ANGPTL5: variants seen among roughly 807,000 people sequenced by gnomAD.
ANGPTL5 encodes angiopoietin-related protein 5.
In ANGPTL5, 34 loss-of-function variants were observed where a neutral mutation model predicts 39.4. The observed-to-expected ratio is 0.86, with a 90% CI of 0.66 to 1.15. The LOEUF is 1.15. Among genes scored for constraint, ANGPTL5 ranks in the 50% most tolerant of loss-of-function variants. ANGPTL5 has a pLI of 0.00. For missense variants in ANGPTL5, 467 were observed against 457.5 expected, an observed-to-expected ratio of 1.02 and a Z score of -0.19; for synonymous variants, 146 against 152.1, an observed-to-expected ratio of 0.96 and a Z score of 0.29.
chr11:101,898,789 A>G (rs1165946904), intron 7 of ANGPTL5, among the ~76,000 whole-genome samples: 3 of 152,152 alleles, frequency 2.0e-5, no homozygotes, highest in Non-Finnish European at 2.9e-5. Context: ...GTTTGTCATA[A>G]ATAGCTCTTA....
chr11:101,891,118 A>G lies in ANGPTL5; in HGVS notation c.*161T>C. 1 of 595,504 alleles carries G rather than the reference A, an allele frequency of 1.7e-6. No homozygotes were observed. The highest frequency in any genetic ancestry group is 2.6e-5 in the South Asian group (1 of 38,954). 36.9% of individuals were successfully genotyped at this position (595,504 alleles called of 1,614,324 possible). A position where few individuals can be genotyped will look rare whatever the true frequency, so the allele number is the denominator to read the frequency against. On this transcript the variant is annotated 3_prime_UTR_variant, in exon 9 of 9. Coordinates refer to ENST00000334289, the MANE Select transcript of ANGPTL5 (RefSeq NM_178127.5). ...AATAAGCCATGTTTTCTTTTATAGAATACTACAAAATTGAAGTTTTCTAAT... is the reference window on the plus strand; with the variant it reads ...AATAAGCCATGTTTTCTTTTATAGAGTACTACAAAATTGAAGTTTTCTAAT...
chr11:101,911,455 C>G (rs1279821248), intron 1 of ANGPTL5, among the ~76,000 whole-genome samples: 1 of 152,050 alleles, frequency 6.6e-6, no homozygotes, highest in Non-Finnish European at 1.5e-5. Flanking sequence ...AAACTGTAAT[C>G]CCCAATGTTG....
chr11:101,891,505 C>G lies in ANGPTL5; in HGVS notation c.941G>C (p.Cys314Ser). Residue 314 changes from cysteine to serine, a missense_variant, in exon 9 of 9, where the codon TGC (cysteine) becomes TCC (serine). Physicochemically the swap from Cys to Ser is moderately radical, Grantham distance 112 (BLOSUM62 -1). Transcript: ENST00000334289. ...DVDNDGCRPA[C>S]LVNGQSVKSC... ...CTTCACAGACTGACCATTGACCAGG[C>G]ATGCAGGGCGACACCCATCATTATC... 12 of 1,614,048 alleles carry G rather than the reference C, an allele frequency of 7.4e-6. No individual in the cohort carries two copies. The highest frequency in any genetic ancestry group is 1.0e-5 in the Non-Finnish European group (12 of 1,179,978).
intron 5 of ANGPTL5, 144 bp downstream of exon 5, chr11:101,904,670 T>A: frequency 1.4e-6 from 1 of 694,288 alleles, no homozygotes; most frequent in East Asian, 2.7e-5. Flanking sequence ...GAAATTTGCT[T>A]AATAGCAGGT....
At chr11:101,898,355 A>G (rs1271157799) in intron 7 of ANGPTL5, among the ~76,000 whole-genome samples, 1 of 152,132 alleles carries the variant, frequency 6.6e-6, no homozygotes, top group African/African-American at 2.4e-5. Flanking sequence ...TAGTTCTTGA[A>G]GAGGTCCTTC....
intron 5 of ANGPTL5, among the ~76,000 whole-genome samples, chr11:101,903,515 T>C (rs1316995309): frequency 6.6e-6 from 1 of 152,106 alleles, no homozygotes; most frequent in Non-Finnish European, 1.5e-5. Context: ...ATCCTAACTA[T>C]TTACGTAGTA....
At chr11:101,911,328 T>G (rs1247558764) in intron 1 of ANGPTL5, among the ~76,000 whole-genome samples, 1 of 151,952 alleles carries the variant, frequency 6.6e-6, no homozygotes, top group African/African-American at 2.4e-5. Context: ...TTCACCATGT[T>G]GGCCAGGCTG....
At chr11:101,914,268 C>T (rs1270697422) in intron 1 of ANGPTL5, among the ~76,000 whole-genome samples, 3 of 152,242 alleles carry the variant, frequency 2.0e-5, no homozygotes, top group East Asian at 3.8e-4. Flanking sequence ...TATGCATTTA[C>T]ATTAGGCTCC....
Position 101,891,250 on chromosome 11 carries a change from T to C in ANGPTL5, c.*29A>G, listed in dbSNP as rs1157537066. ...AAAAATCTTTAATATATTATCATTG[T>C]AGAACTTGCATTACAATGTTAAATG... On this transcript the variant is annotated 3_prime_UTR_variant, in exon 9 of 9. Coordinates refer to ENST00000334289, the MANE Select transcript of ANGPTL5 (RefSeq NM_178127.5). The C allele has an allele frequency of 3.2e-6, 5 of 1,571,536 alleles. No homozygotes were observed. Among genetic ancestry groups the C allele is most frequent in the African/African-American group, 1.4e-5 (1 of 73,870 alleles).
At chr11:101,903,314 C>T (rs905277364) in intron 5 of ANGPTL5, among the ~76,000 whole-genome samples, 2 of 152,118 alleles carry the variant, frequency 1.3e-5, no homozygotes, top group African/African-American at 4.8e-5. Flanking sequence ...CCATAATCAC[C>T]TTCTCCAAAG....
At chr11:101,892,167 C>G (rs1168287940) in intron 8 of ANGPTL5, among the ~76,000 whole-genome samples, 1 of 152,032 alleles carries the variant, frequency 6.6e-6, no homozygotes, top group Non-Finnish European at 1.5e-5. Flanking sequence ...ATTTATGGAC[C>G]AATTGGATAG....
chr11:101,897,973 C>A (rs190744091), intron 7 of ANGPTL5, among the ~76,000 whole-genome samples: 1 of 152,080 alleles, frequency 6.6e-6, no homozygotes, highest in African/African-American at 2.4e-5. Context: ...TCTGTAATCC[C>A]AGCACTTTGG....
intron 1 of ANGPTL5, among the ~76,000 whole-genome samples, chr11:101,913,247 T>G (rs999209221): frequency 6.6e-6 from 1 of 152,208 alleles, no homozygotes; most frequent in Non-Finnish European, 1.5e-5. Flanking sequence ...AAAAAAAATT[T>G]AGACATAATA....
At chr11:101,907,754 T>A (rs1181830145) in intron 2 of ANGPTL5, 60 bp downstream of exon 2, 1 of 1,097,606 alleles carries the variant, frequency 9.1e-7, no homozygotes, top group Non-Finnish European at 1.4e-6. Flanking sequence ...AAAATTCTAA[T>A]ATATATCTTG....
At chr11:101,904,625 T>C (rs1367405444) in intron 5 of ANGPTL5, among the ~76,000 whole-genome samples, 189 bp downstream of exon 5, 1 of 152,192 alleles carries the variant, frequency 6.6e-6, no homozygotes, top group Non-Finnish European at 1.5e-5. Context: ...GTTGAAAAAG[T>C]TTCCCATTTT....
chr11:101,907,023 G>A, intron 3 of ANGPTL5, 80 bp downstream of exon 3: 4 of 1,130,082 alleles, frequency 3.5e-6, no homozygotes, highest in Non-Finnish European at 5.0e-6. Flanking sequence ...CCAGACAAAA[G>A]CTAAAGTATA....
At position 101,913,620 on chromosome 11, in the gene ANGPTL5, T is replaced by G. The variant is rs554551035; in HGVS notation, c.-93+2399A>C. On this transcript the variant is annotated intron_variant, in intron 1 of 8. Coordinates refer to ENST00000334289, the MANE Select transcript of ANGPTL5 (RefSeq NM_178127.5). ...CAATTGAGAAACCAAATTATGCTTC[T>G]TAGTGCTAATATACCAAGCCACAAA... Among the ~76,000 whole-genome samples the G allele has an allele frequency of 2.0e-5, 3 of 152,310 alleles. No homozygotes were observed. In the South Asian group the frequency reaches 6.2e-4, roughly 32 times the overall value.
chr11:101,904,736 T>G, intron 5 of ANGPTL5, 78 bp downstream of exon 5: 1 of 1,305,160 alleles, frequency 7.7e-7, no homozygotes, highest in Non-Finnish European at 1.1e-6. Flanking sequence ...ATAAAACTTT[T>G]AAATGGATCG....
At chr11:101,915,010 G>T in intron 1 of ANGPTL5, 1 of 389,546 alleles carries the variant, frequency 2.6e-6, no homozygotes. Context: ...TGTCAAGGAC[G>T]CGCCGTCGGT....
Sources: gnomAD v4.1 joint callset for allele counts (sites outside exome capture counted in the v4.1 genomes callset) on GRCh38, gnomAD v4.1.1 for gene constraint, MANE v1.5 for transcripts, NCBI Gene and HGNC (gene_info 2026-07-23, HGNC 2026-07-21) for gene names.